Variants in CRB1 observed in about 807,000 individuals in gnomAD.
CRB1 encodes the protein crumbs cell polarity complex component 1, also known as protein crumbs homolog 1.
CRB1 carries 83 observed loss-of-function variants against 120.0 expected under a neutral mutation model. The observed-to-expected ratio is 0.69, with a 90% CI of 0.58 to 0.83. The LOEUF is 0.83. CRB1 is among the 40% of genes least tolerant of loss of function. The pLI, the probability that CRB1 is intolerant of heterozygous loss-of-function variation, is 0.00. For synonymous variants in CRB1, 625 were observed against 612.5 expected (o/e 1.02, Z -0.30); for missense variants, 1,699 against 1,687.6 (o/e 1.01, Z -0.12).
chr1:197,419,960 G>T (rs901905888), intron 5 of CRB1, among the ~76,000 whole-genome samples: 1 of 141,332 alleles, frequency 7.1e-6, no homozygotes, highest in Non-Finnish European at 1.5e-5. Flanking sequence ...CAGCCTGGGC[G>T]ACAGAGCGAG....
rs1664331544 is a variant in CRB1 at position 197,421,665 on chromosome 1, T to C, written c.1837T>C (p.Leu613=). ...QSICAFQNSF[L]GGLPVGMTSN... ...AATATGTGCTTTTCAGAACTCCTTT[T>C]TGGGTGGTTTACCAGTGGGAATGAC... The change falls in exon 6 of 12, where the codon TTG becomes CTG. Residue 613 remains leucine, a synonymous_variant. Transcript: ENST00000367400. 2.5e-6 allele frequency: 4 copies of C among 1,614,114 alleles called. No individual in the cohort carries two copies. Among genetic ancestry groups the C allele is most frequent in the South Asian group, 2.2e-5 (2 of 91,090 alleles).
chr1:197,327,046 T>A (rs1430474682), intron 1 of CRB1, among the ~76,000 whole-genome samples: 2 of 146,008 alleles, frequency 1.4e-5, no homozygotes, highest in Non-Finnish European at 3.0e-5. Flanking sequence ...ACACTTACGA[T>A]GTGTCTGCAA....
chr1:197,272,680 AG>A (rs1654971584), intron 1 of CRB1, among the ~76,000 whole-genome samples: 1 of 152,190 alleles, frequency 6.6e-6, no homozygotes, highest in Non-Finnish European at 1.5e-5. Flanking sequence ...TCGTCCAGAA[AG>A]GCTACATATT....
At chr1:197,460,207 A>G (rs934581797) in intron 11 of CRB1, among the ~76,000 whole-genome samples, 1 of 151,910 alleles carries the variant, frequency 6.6e-6, no homozygotes, top group Non-Finnish European at 1.5e-5. Flanking sequence ...CAGCATCACT[A>G]AAAAAGAGTC....
intron 11 of CRB1, among the ~76,000 whole-genome samples, chr1:197,464,586 AT>A (rs924492261): frequency 2.0e-5 from 3 of 152,114 alleles, no homozygotes; most frequent in African/African-American, 7.2e-5. Context: ...TGAACATTCA[AT>A]TCTATGTCTC....
At chr1:197,270,869 C>T (rs1318432555) in intron 1 of CRB1, among the ~76,000 whole-genome samples, 4 of 152,134 alleles carry the variant, frequency 2.6e-5, no homozygotes, top group Non-Finnish European at 5.9e-5. Context: ...CTTAAGCAGA[C>T]TTTATTATGT....
At chr1:197,339,579 C>T (rs1357046069) in intron 2 of CRB1, among the ~76,000 whole-genome samples, 1 of 152,298 alleles carries the variant, frequency 6.6e-6, no homozygotes, top group East Asian at 1.9e-4. Context: ...ATGAGAAAGG[C>T]ATTCAGAATG....
intron 1 of CRB1, among the ~76,000 whole-genome samples, chr1:197,326,573 GT>G (rs1169630056): frequency 1.3e-5 from 2 of 152,106 alleles, no homozygotes; most frequent in African/African-American, 2.4e-5. Flanking sequence ...GGAGGTTGCA[GT>G]GAGCTGAGAT....
chr1:197,309,633 A>G (rs1390626001), intron 1 of CRB1, among the ~76,000 whole-genome samples: 1 of 152,114 alleles, frequency 6.6e-6, no homozygotes, highest in Non-Finnish European at 1.5e-5. Flanking sequence ...AGGCGCCTGT[A>G]GTCCCAGCTA....
chr1:197,418,514 A>G (rs1157270706), intron 5 of CRB1, among the ~76,000 whole-genome samples: 2 of 152,204 alleles, frequency 1.3e-5, no homozygotes, highest in Non-Finnish European at 2.9e-5. Flanking sequence ...TTTTGAATTG[A>G]CAAAGCTTGT....
At chr1:197,223,664 A>G in the CRB1 span, among the ~76,000 whole-genome samples, 1 of 152,222 alleles carries the variant, frequency 6.6e-6, no homozygotes, top group Non-Finnish European at 1.5e-5. Flanking sequence ...ACTGTTGTAT[A>G]CTATGAACAA....
chr1:197,457,521 A>T (rs539754430), intron 11 of CRB1, among the ~76,000 whole-genome samples: 154 of 152,230 alleles, frequency 1.0e-3, no homozygotes, highest in African/African-American at 3.5e-3. Flanking sequence ...TGAGAGCTAT[A>T]GGAAGGTGGA....
chr1:197,315,389 C>T (rs376306444), intron 1 of CRB1, among the ~76,000 whole-genome samples: 10 of 152,244 alleles, frequency 6.6e-5, no homozygotes, highest in Middle Eastern at 3.4e-3. Flanking sequence ...TTGGGGTTGA[C>T]GGTAAATGCT....
chr1:197,252,578 A>G, the CRB1 span, among the ~76,000 whole-genome samples: 2,862 of 28,306 alleles, frequency 0.1, 73 homozygotes, highest in South Asian at 0.14. Flanking sequence ...ATATATATAT[A>G]TATATGTGTG....
chr1:197,327,257 T>A (rs115490361), intron 1 of CRB1, among the ~76,000 whole-genome samples: 1 of 152,260 alleles, frequency 6.6e-6, no homozygotes, highest in African/African-American at 2.4e-5. Flanking sequence ...ATGAAAAGAT[T>A]GATAATAAAA....
intron 5 of CRB1, among the ~76,000 whole-genome samples, chr1:197,393,521 A>ATT (rs35582213): frequency 7.3e-5 from 11 of 151,666 alleles, no homozygotes; most frequent in African/African-American, 2.2e-4. Context: ...AAAAGTAGTC[A>ATT]TTTTTTTTGA....
At chr1:197,455,342 A>AT (rs565094446) in intron 11 of CRB1, among the ~76,000 whole-genome samples, 37 of 152,158 alleles carry the variant, frequency 2.4e-4, no homozygotes, top group Non-Finnish European at 4.9e-4. Context: ...ATTTTCTTGA[A>AT]TTATTTTCCT....
chr1:197,341,889 G>A (rs1659483945), intron 2 of CRB1, among the ~76,000 whole-genome samples: 1 of 152,126 alleles, frequency 6.6e-6, no homozygotes, highest in Admixed American at 6.5e-5. Flanking sequence ...TCCACTAGTG[G>A]GACATTTAAC....
chr1:197,376,418 T>A (rs1432143873), intron 5 of CRB1, among the ~76,000 whole-genome samples: 2 of 152,044 alleles, frequency 1.3e-5, no homozygotes, highest in African/African-American at 2.4e-5. Context: ...AACAAAATAA[T>A]CACAAAACAA....
Sources: allele counts gnomAD v4.1 joint callset (sites outside exome capture counted in the v4.1 genomes callset), GRCh38; gene constraint gnomAD v4.1.1; transcripts MANE v1.5; gene names NCBI Gene and HGNC (gene_info 2026-07-23, HGNC 2026-07-21).